The following ANKRD30A variants were observed in gnomAD, a reference collection of about 807,000 sequenced individuals.
ANKRD30A encodes the protein ankyrin repeat domain-containing protein 30A.
A neutral mutation model predicts 166.3 loss-of-function variants in ANKRD30A; 170 were observed. The observed-to-expected ratio is 1.02, with a 90% confidence interval of 0.90 to 1.16. The LOEUF (loss-of-function observed/expected upper bound fraction) is 1.16. Among genes scored for constraint, ANKRD30A ranks in the 50% most tolerant of loss-of-function variants. The probability of loss-of-function intolerance (pLI) is 0.00; values close to 1 mark genes in which losing one functional copy is unlikely to be tolerated. For synonymous variants in ANKRD30A, 564 were observed against 508.9 expected, an observed-to-expected ratio of 1.11 and a Z score of -1.46; for missense variants, 1,630 against 1,518.0, an observed-to-expected ratio of 1.07 and a Z score of -1.23.
intron 6 of ANKRD30A, among the ~76,000 whole-genome samples, chr10:37,138,078 G>A (rs948151937): frequency 2.6e-5 from 4 of 152,096 alleles, no homozygotes; most frequent in African/African-American, 9.7e-5. Context: ...ACCAATATCC[G>A]CTCTTCTGCA....
At chr10:37,138,323 C>G (rs1836858588) in intron 6 of ANKRD30A, among the ~76,000 whole-genome samples, 1 of 152,160 alleles carries the variant, frequency 6.6e-6, no homozygotes, top group Non-Finnish European at 1.5e-5. Context: ...CAGAGGGCCT[C>G]TCCTCCTCCA....
chr10:37,193,168 G>T lies in ANKRD30A; in HGVS notation c.2542-18G>T, dbSNP rs368202737. The T allele has an allele frequency of 6.2e-7, 1 of 1,603,502 alleles. No homozygotes were observed. Among genetic ancestry groups the T allele is most frequent in the Non-Finnish European group, 8.5e-7 (1 of 1,174,812 alleles). ...GTATACATTGTATATTAATTGTTTT[G>T]TTTCTAAACCCATTTAGGCTCCCTG... On this transcript the variant is annotated intron_variant, in intron 26 of 35. Transcript: ENST00000361713.
chr10:37,255,740 A>G, the ANKRD30A span, among the ~76,000 whole-genome samples: 1 of 152,140 alleles, frequency 6.6e-6, no homozygotes, highest in Non-Finnish European at 1.5e-5. Context: ...ATCATATTGG[A>G]CCTCACAGTT....
intron 19 of ANKRD30A, among the ~76,000 whole-genome samples, chr10:37,167,393 A>C (rs1206464827): frequency 1.3e-5 from 2 of 150,786 alleles, no homozygotes; most frequent in Non-Finnish European, 2.9e-5. Flanking sequence ...TAAGGAAGCA[A>C]ATTGTGTTGG....
intron 25 of ANKRD30A, among the ~76,000 whole-genome samples, chr10:37,190,358 T>A (rs1218467800): frequency 6.6e-6 from 1 of 151,724 alleles, no homozygotes; most frequent in Non-Finnish European, 1.5e-5. Flanking sequence ...GCAGAGCAAC[T>A]GGATAGAAGG....
chr10:37,224,921 C>T (rs1204190839), intron 34 of ANKRD30A, among the ~76,000 whole-genome samples: 1 of 151,502 alleles, frequency 6.6e-6, no homozygotes, highest in Admixed American at 6.6e-5. Flanking sequence ...TTCTTTTCTT[C>T]TACAGACTGT....
chr10:37,195,826 T>A (rs2997348), intron 27 of ANKRD30A, among the ~76,000 whole-genome samples: 45 of 152,020 alleles, frequency 3.0e-4, no homozygotes, highest in African/African-American at 4.6e-4. Flanking sequence ...TGCTCTGAGT[T>A]GCAAAAGGAG....
chr10:37,133,744 T>C (rs2132513498), intron 4 of ANKRD30A, among the ~76,000 whole-genome samples, 172 bp from the exon 5 acceptor site: 1 of 152,354 alleles, frequency 6.6e-6, no homozygotes, highest in East Asian at 1.9e-4. Context: ...CCGTGGGACA[T>C]GAATCTTTTT....
rs574931429 is a variant in ANKRD30A, at chr10:37,217,041, C to T, written c.3083+647C>T. Among the ~76,000 whole-genome samples, 104 of 151,040 alleles carry T rather than the reference C, an allele frequency of 6.9e-4. 2 individuals are homozygous for T. The highest frequency in any genetic ancestry group is 6.8e-3 in the Admixed American group (103 of 15,080). The stretch of plus-strand genomic sequence containing the variant: ...CAGAGTTCTATGTTAAAAATGCATA[C>T]TATTTTTATTCTTTAATTAAATATT... On this transcript the variant is annotated intron_variant, in intron 32 of 35. Transcript: ENST00000361713.
In ANKRD30A at chr10:37,149,630, TA is replaced by T; in HGVS notation, c.1544-18del. The T allele has an allele frequency of 6.2e-7, 1 of 1,609,782 alleles. No individual in the cohort carries two copies. The highest frequency in any genetic ancestry group is 8.5e-7 in the Non-Finnish European group (1 of 1,176,594). ...TGTCATACTTACTTATGATTGATGA[TA>T]AATCTCTTTTGCTTTTTAGAGCCTC... On this transcript the variant is annotated intron_variant, in intron 9 of 35. Coordinates refer to ENST00000361713, the MANE Select transcript of ANKRD30A (RefSeq NM_052997.3).
intron 6 of ANKRD30A, among the ~76,000 whole-genome samples, 160 bp downstream of exon 6, chr10:37,136,831 G>GTGTA (rs67891035): frequency 0.11 from 15,348 of 141,650 alleles, 873 homozygotes; most frequent in Non-Finnish European, 0.13. Flanking sequence ...GTGTGTGTGT[G>GTGTA]TATATATATA....
chr10:37,251,457 A>G, the ANKRD30A span, among the ~76,000 whole-genome samples: 1 of 152,170 alleles, frequency 6.6e-6, no homozygotes, highest in African/African-American at 2.4e-5. Context: ...GGTCACCTTC[A>G]GGCTTATTTC....
At chr10:37,212,822 A>T (rs967213271) in intron 31 of ANKRD30A, among the ~76,000 whole-genome samples, 2 of 151,906 alleles carry the variant, frequency 1.3e-5, no homozygotes, top group African/African-American at 4.8e-5. Context: ...TAAATAGGGA[A>T]TTATTTCCCC....
the ANKRD30A span, among the ~76,000 whole-genome samples, chr10:37,261,590 T>A: frequency 6.6e-6 from 1 of 152,232 alleles, no homozygotes; most frequent in Non-Finnish European, 1.5e-5. Context: ...ATAGAAATTT[T>A]AATCTTCATA....
the ANKRD30A span, among the ~76,000 whole-genome samples, chr10:37,256,673 T>A: frequency 6.6e-6 from 1 of 152,346 alleles, no homozygotes; most frequent in South Asian, 2.1e-4. Context: ...TGTGTTAATC[T>A]ATGTTAGACT....
In ANKRD30A at chr10:37,219,471, T is replaced by C; in HGVS notation, c.3759T>C (p.Leu1253=). The change falls in exon 34 of 36, where the codon CTT becomes CTC. Residue 1253 remains leucine (L), a synonymous_variant. Coordinates refer to ENST00000361713, the MANE Select transcript of ANKRD30A (RefSeq NM_052997.3). ...ACAATGAGGTGCTCCATCAACCACT[T>C]TCTGAAGCTCAAAGGAAATCCAAAA... is the stretch of plus-strand genomic sequence containing the variant. The part of the protein sequence containing the change: ...IYNNEVLHQP[L]SEAQRKSKSL... 2.5e-6 allele frequency: 4 copies of C among 1,610,238 alleles called. No homozygotes were observed. The highest frequency in any genetic ancestry group is 3.4e-6 in the Non-Finnish European group (4 of 1,177,608).
At chr10:37,235,154 C>A (rs948515774), downstream of ANKRD30A, among the ~76,000 whole-genome samples, 1 of 152,172 alleles carries the variant, frequency 6.6e-6, no homozygotes, top group Non-Finnish European at 1.5e-5. Flanking sequence ...ACTTTTTTAT[C>A]TACTTAGCCA....
At chr10:37,191,964 T>C (rs1564540808) in intron 25 of ANKRD30A, among the ~76,000 whole-genome samples, 2 of 152,066 alleles carry the variant, frequency 1.3e-5, no homozygotes, top group Admixed American at 1.3e-4. Flanking sequence ...TATTGTAACA[T>C]TGAAATATGC....
chr10:37,151,122 G>T (rs1362939413), intron 11 of ANKRD30A, among the ~76,000 whole-genome samples: 2 of 151,534 alleles, frequency 1.3e-5, no homozygotes, highest in Non-Finnish European at 2.9e-5. Context: ...GATGTCAAAT[G>T]AGAAACGTAT....
Sources: gnomAD v4.1 joint callset for allele counts (sites outside exome capture counted in the v4.1 genomes callset) on GRCh38, gnomAD v4.1.1 for gene constraint, MANE v1.5 for transcripts, NCBI Gene and HGNC (gene_info 2026-07-23, HGNC 2026-07-21) for gene names.